GPR15LG: variants seen among roughly 807,000 people sequenced by gnomAD.
GPR15LG encodes protein GPR15LG.
the GPR15LG span, chr10:84,185,218 C>G: frequency 7.0e-6 from 2 of 287,020 alleles, no homozygotes; most frequent in Admixed American, 1.2e-4. Flanking sequence ...CCTTCCTAGC[C>G]TCCTGACATG....
At chr10:84,184,810 G>T in the GPR15LG span, 1 of 1,610,628 alleles carries the variant, frequency 6.2e-7, no homozygotes, top group South Asian at 1.1e-5. Context: ...CCTCATGCCT[G>T]GCACCTGAGG....
At chr10:84,173,890 GCTT>G in the GPR15LG span, 3 of 1,613,696 alleles carry the variant, frequency 1.9e-6, no homozygotes, top group African/African-American at 4.0e-5. Context: ...TCTGTATCCT[GCTT>G]CTCTGCTTCT....
At chr10:84,178,945 T>C in the GPR15LG span, among the ~76,000 whole-genome samples, 2 of 152,314 alleles carry the variant, frequency 1.3e-5, no homozygotes, top group East Asian at 3.9e-4. Context: ...ATTATATAGA[T>C]TGGGAAACTG....
the GPR15LG span, among the ~76,000 whole-genome samples, chr10:84,184,133 G>A: frequency 4.1e-5 from 6 of 148,034 alleles, no homozygotes; most frequent in South Asian, 2.2e-4. Flanking sequence ...TAGCCTAGGC[G>A]ACATAAGGAG....
the GPR15LG span, among the ~76,000 whole-genome samples, chr10:84,179,650 A>G: frequency 1.3e-5 from 2 of 152,168 alleles, no homozygotes; most frequent in Admixed American, 1.3e-4. Context: ...TCCTGAGCCA[A>G]CAACACCAGC....
chr10:84,178,281 GAC>G, the GPR15LG span, among the ~76,000 whole-genome samples: 4 of 149,544 alleles, frequency 2.7e-5, no homozygotes, highest in South Asian at 8.5e-4. Flanking sequence ...TACACAAACA[GAC>G]ACACACTATA....
chr10:84,175,309 G>A, the GPR15LG span, among the ~76,000 whole-genome samples: 2 of 152,182 alleles, frequency 1.3e-5, no homozygotes, highest in Non-Finnish European at 2.9e-5. Flanking sequence ...GGACATGTTG[G>A]AGGTTGCCAG....
the GPR15LG span, among the ~76,000 whole-genome samples, chr10:84,182,432 T>C: frequency 7.2e-5 from 11 of 152,236 alleles, no homozygotes; most frequent in Non-Finnish European, 5.9e-5. Flanking sequence ...TTGGCTGGAC[T>C]CATTCTTCTA....
chr10:84,177,725 T>C, the GPR15LG span, among the ~76,000 whole-genome samples: 2 of 152,142 alleles, frequency 1.3e-5, no homozygotes, highest in South Asian at 2.1e-4. Flanking sequence ...GCTGAACCAG[T>C]GTGAGGTGCC....
the GPR15LG span, among the ~76,000 whole-genome samples, chr10:84,177,553 G>T: frequency 6.6e-6 from 1 of 152,222 alleles, no homozygotes; most frequent in Admixed American, 6.5e-5. Context: ...CAGCTACCAA[G>T]GGGATGCTCA....
chr10:84,173,993 T>A, the GPR15LG span: 1 of 1,234,496 alleles, frequency 8.1e-7, no homozygotes, highest in South Asian at 1.2e-5. Flanking sequence ...TCAGGATTTG[T>A]TGGAGGGCAG....
chr10:84,176,399 A>T, the GPR15LG span: 4 of 966,318 alleles, frequency 4.1e-6, no homozygotes, highest in Non-Finnish European at 6.8e-6. Flanking sequence ...AATATTCCTG[A>T]GCCCTGTGCC....
chr10:84,184,723 A>G, the GPR15LG span: 1 of 1,613,952 alleles, frequency 6.2e-7, no homozygotes, highest in Non-Finnish European at 8.5e-7. Context: ...CTTGAGCCAG[A>G]GCCCCGCCTT....
At chr10:84,184,160 A>G in the GPR15LG span, among the ~76,000 whole-genome samples, 1 of 62,852 alleles carries the variant, frequency 1.6e-5, no homozygotes, top group Non-Finnish European at 3.4e-5. Flanking sequence ...ATCTTTCTTG[A>G]AAAAAAAAAA....
At chr10:84,180,533 G>T in the GPR15LG span, among the ~76,000 whole-genome samples, 2 of 152,028 alleles carry the variant, frequency 1.3e-5, no homozygotes, top group East Asian at 1.9e-4. Flanking sequence ...ATGATGGGTG[G>T]CTGGGCAGAG....
chr10:84,176,516 G>A, the GPR15LG span: 3 of 1,613,960 alleles, frequency 1.9e-6, no homozygotes, highest in African/African-American at 2.7e-5. Context: ...TCAGGCAGGA[G>A]AACCAGGCTC....
At chr10:84,179,679 A>C in the GPR15LG span, among the ~76,000 whole-genome samples, 1 of 152,308 alleles carries the variant, frequency 6.6e-6, no homozygotes, top group East Asian at 1.9e-4. Context: ...ACACTTGCTG[A>C]ATACTGACTA....
the GPR15LG span, among the ~76,000 whole-genome samples, chr10:84,175,451 A>G: frequency 6.6e-6 from 1 of 152,242 alleles, no homozygotes; most frequent in African/African-American, 2.4e-5. Context: ...ACTTGCTACA[A>G]GTGAACGTAC....
chr10:84,179,919 T>G, the GPR15LG span, among the ~76,000 whole-genome samples: 3 of 151,934 alleles, frequency 2.0e-5, no homozygotes, highest in Admixed American at 2.0e-4. Context: ...TCTTGGGTGT[T>G]TCTTGGAGAG....
Sources: allele counts gnomAD v4.1 joint callset (sites outside exome capture counted in the v4.1 genomes callset), GRCh38; gene constraint gnomAD v4.1.1; transcripts MANE v1.5; gene names NCBI Gene and HGNC (gene_info 2026-07-23, HGNC 2026-07-21).